The following KIF26B variants were observed in gnomAD, a reference collection of about 807,000 sequenced individuals.
KIF26B encodes kinesin family member 26B.
Under a neutral mutation model 151.2 loss-of-function variants are expected in KIF26B, and 63 were observed. That is an observed-to-expected ratio of 0.42 (90% confidence interval 0.34 to 0.51). The LOEUF (loss-of-function observed/expected upper bound fraction) is 0.51, where lower values mean the gene tolerates loss of function less well. Ranked by LOEUF, KIF26B falls within the 20% of genes least tolerant of loss-of-function variation. The pLI is 0.07. For missense variants in KIF26B, 2,813 were observed against 2,913.6 expected (o/e 0.97, Z 0.79); for synonymous variants, 1,357 against 1,262.1 (o/e 1.08, Z -1.59).
chr1:245,605,338 C>T (rs536763911), intron 6 of KIF26B, among the ~76,000 whole-genome samples: 1 of 152,316 alleles, frequency 6.6e-6, no homozygotes, highest in South Asian at 2.1e-4. Context: ...CTGGAGCCCC[C>T]AAGCCTGAAA....
chr1:245,675,282 T>G (rs767704369), intron 10 of KIF26B, among the ~76,000 whole-genome samples: 8 of 152,120 alleles, frequency 5.3e-5, no homozygotes, highest in Non-Finnish European at 8.8e-5. Context: ...TTGGCATGAT[T>G]GATTGATTGA....
At chr1:245,524,451 T>G (rs748125918) in intron 4 of KIF26B, among the ~76,000 whole-genome samples, 43 of 152,228 alleles carry the variant, frequency 2.8e-4, no homozygotes, top group Admixed American at 1.0e-3. Flanking sequence ...TGTCTGGAGA[T>G]ACCTAGTCTT....
chr1:245,613,952 C>A (rs935357334), intron 9 of KIF26B, among the ~76,000 whole-genome samples: 2 of 152,148 alleles, frequency 1.3e-5, no homozygotes, highest in Non-Finnish European at 2.9e-5. Flanking sequence ...GCCGTTTGTC[C>A]CTTCCCCTGA....
At chr1:245,213,290 G>A (rs965983552) in intron 2 of KIF26B, among the ~76,000 whole-genome samples, 8 of 152,204 alleles carry the variant, frequency 5.3e-5, no homozygotes, top group African/African-American at 1.2e-4. Context: ...CAGGCCATCT[G>A]CTCACATGGA....
intron 2 of KIF26B, among the ~76,000 whole-genome samples, chr1:245,184,753 G>A (rs189059402): frequency 1.2e-4 from 19 of 152,260 alleles, no homozygotes; most frequent in African/African-American, 1.9e-4. Flanking sequence ...TACTATAAAC[G>A]GAGGTGCACC....
Position 245,239,644 on chromosome 1 carries a change from C to G in KIF26B, c.465+82961C>G, listed in dbSNP as rs894880502. Among the ~76,000 whole-genome samples, 2 of 152,028 alleles carry G rather than the reference C, an allele frequency of 1.3e-5. No individual in the cohort carries two copies. Among genetic ancestry groups the G allele is most frequent in the Non-Finnish European group, 2.9e-5 (2 of 68,004 alleles). Reference sequence around the variant, plus strand: ...TTGGCCTCCATAGTAGCTGGGATTACAGGTGCCCGCCACCACGCCTGGCTA... The same window carrying G: ...TTGGCCTCCATAGTAGCTGGGATTAGAGGTGCCCGCCACCACGCCTGGCTA... On this transcript the variant is annotated intron_variant, in intron 2 of 14. Transcript: ENST00000407071. This position sits in a 1 kb window ranked among gnomAD's most constrained non-coding sequence, Gnocchi z 4.3.
chr1:245,296,191 T>C (rs1671334001), intron 2 of KIF26B, among the ~76,000 whole-genome samples: 1 of 150,998 alleles, frequency 6.6e-6, no homozygotes, highest in Non-Finnish European at 1.5e-5. Context: ...TTTTTTCTTA[T>C]GGGCTAGGAT....
At chr1:245,305,956 A>G (rs1187063120) in intron 2 of KIF26B, among the ~76,000 whole-genome samples, 23 of 145,130 alleles carry the variant, frequency 1.6e-4, no homozygotes, top group Admixed American at 8.4e-4. Flanking sequence ...AAAAAAAAAA[A>G]AGAAAAGAAA....
At chr1:245,509,053 C>T (rs1370949998) in intron 4 of KIF26B, among the ~76,000 whole-genome samples, 4 of 152,162 alleles carry the variant, frequency 2.6e-5, no homozygotes, top group South Asian at 2.1e-4. Flanking sequence ...GTAGAGCAAA[C>T]GTCTATATAC....
intron 2 of KIF26B, among the ~76,000 whole-genome samples, chr1:245,205,038 G>A (rs1245964398): frequency 6.6e-6 from 1 of 152,114 alleles, no homozygotes; most frequent in East Asian, 1.9e-4. Context: ...TTGCTGCCTT[G>A]GACTCCCAAA....
chr1:245,204,836 G>A (rs886440098), intron 2 of KIF26B, among the ~76,000 whole-genome samples: 3 of 151,762 alleles, frequency 2.0e-5, no homozygotes, highest in South Asian at 4.2e-4. Context: ...GCTGGAGTGC[G>A]GTGGCAGAAT....
chr1:245,529,735 A>G (rs1477247605), intron 4 of KIF26B, among the ~76,000 whole-genome samples: 1 of 152,190 alleles, frequency 6.6e-6, no homozygotes, highest in Non-Finnish European at 1.5e-5. Context: ...GGAAACATTG[A>G]GGAAACCCCC....
intron 4 of KIF26B, among the ~76,000 whole-genome samples, chr1:245,530,439 C>T (rs1661335872): frequency 6.6e-6 from 1 of 152,096 alleles, no homozygotes; most frequent in Non-Finnish European, 1.5e-5. Context: ...TCTAAGCATC[C>T]ATCAATAGAC....
intron 4 of KIF26B, among the ~76,000 whole-genome samples, chr1:245,518,464 G>T (rs1187385258): frequency 6.6e-6 from 1 of 152,180 alleles, no homozygotes; most frequent in African/African-American, 2.4e-5. Context: ...CTATTCAGGA[G>T]AAAGAAGAGG....
In KIF26B at chr1:245,449,462, G is replaced by A. The variant is rs141855643; in HGVS notation, c.1166+29717G>A. Among the ~76,000 whole-genome samples the A allele has an allele frequency of 5.7e-4, 87 of 152,078 alleles. 1 individual carries two copies. Among genetic ancestry groups the A allele is most frequent in the South Asian group, 2.1e-3 (10 of 4,816 alleles). On this transcript the variant is annotated intron_variant, in intron 4 of 14. Coordinates refer to ENST00000407071, the MANE Select transcript of KIF26B (RefSeq NM_018012.4). ...TTGTCTAGTAATCACTTGCATTGTC[G>A]CTGGATCAGGAGGGGCTGTATTTTC...
intron 2 of KIF26B, among the ~76,000 whole-genome samples, chr1:245,238,040 A>AAAAT (rs34032750): frequency 6.7e-6 from 1 of 149,250 alleles, no homozygotes; most frequent in African/African-American, 2.5e-5. Context: ...AAAAAAAAAA[A>AAAAT]GTTGTTATTT....
chr1:245,419,016 G>T (rs1658397279), intron 3 of KIF26B, among the ~76,000 whole-genome samples: 1 of 152,126 alleles, frequency 6.6e-6, no homozygotes, highest in East Asian at 1.9e-4. Context: ...AAAAATATTG[G>T]TAATTCATTG....
intron 2 of KIF26B, among the ~76,000 whole-genome samples, chr1:245,286,034 GA>G (rs1413506572): frequency 6.8e-6 from 1 of 146,914 alleles, no homozygotes; most frequent in Non-Finnish European, 1.5e-5. Context: ...AAAAAGAAAA[GA>G]AAAAGAACAT....
rs1206405977 is a variant in KIF26B, at chr1:245,239,567, G to C, written c.465+82884G>C. ...CGCCCAGGCTGGAGTGCAGTGGCGT[G>C]ATCTCAGCTCACTGCAACCTCTGCC... is the stretch of plus-strand genomic sequence containing the variant. On this transcript the variant is annotated intron_variant, in intron 2 of 14. Coordinates refer to ENST00000407071, the MANE Select transcript of KIF26B (RefSeq NM_018012.4). The surrounding 1 kb of genome is among the most constrained non-coding windows in gnomAD (Gnocchi z 4.3). Among the ~76,000 whole-genome samples, 1 of 152,126 alleles carries C rather than the reference G, an allele frequency of 6.6e-6. No homozygotes were observed. Among genetic ancestry groups the C allele is most frequent in the East Asian group, 1.9e-4 (1 of 5,174 alleles).
Sources: allele counts gnomAD v4.1 joint callset (sites outside exome capture counted in the v4.1 genomes callset), GRCh38; gene constraint gnomAD v4.1.1; non-coding constraint Gnocchi (gnomAD v3.1); transcripts MANE v1.5; gene names NCBI Gene and HGNC (gene_info 2026-07-23, HGNC 2026-07-21).